The following GNG7 variants were observed in gnomAD, a reference collection of about 807,000 sequenced individuals.
The protein encoded by GNG7 is guanine nucleotide-binding protein G(I)/G(S)/G(O) subunit gamma-7.
A neutral mutation model predicts 4.0 loss-of-function variants in GNG7; 1 was observed. The observed-to-expected ratio is 0.25, with a 90% CI of 0.09 to 1.18. The LOEUF is 1.18. Among genes scored for constraint, GNG7 ranks in the 50% most tolerant of loss-of-function variants. GNG7 has a pLI of 0.50. For synonymous variants in GNG7, 34 were observed against 36.9 expected (o/e 0.92, Z 0.29); for missense variants, 86 against 91.9 (o/e 0.94, Z 0.26).
intron 2 of GNG7, among the ~76,000 whole-genome samples, chr19:2,588,037 C>A (rs1432742074): frequency 6.6e-6 from 1 of 152,064 alleles, no homozygotes; most frequent in Non-Finnish European, 1.5e-5. Flanking sequence ...GGCAACTGGG[C>A]ATGAAAAGGA....
intron 2 of GNG7, among the ~76,000 whole-genome samples, chr19:2,603,933 C>G (rs1430037795): frequency 6.6e-6 from 1 of 151,978 alleles, no homozygotes; most frequent in Non-Finnish European, 1.5e-5. Flanking sequence ...TCACTGCAAG[C>G]TCTGCCTCCT....
At chr19:2,640,928 C>G (rs925327474) in intron 2 of GNG7, among the ~76,000 whole-genome samples, 2 of 152,200 alleles carry the variant, frequency 1.3e-5, no homozygotes, top group Non-Finnish European at 2.9e-5. Flanking sequence ...CACACCCAGG[C>G]TCTCACCAAG....
At position 2,653,801 on chromosome 19, in the gene GNG7, C is replaced by T. The variant is rs1267710681; in HGVS notation, c.-134-7521G>A. On this transcript the variant is annotated intron_variant, in intron 1 of 4. Coordinates refer to ENST00000382159, the MANE Select transcript of GNG7 (RefSeq NM_052847.3). The surrounding 1 kb of genome is among the most constrained non-coding windows in gnomAD (Gnocchi z 4.8). Reference sequence around the variant, plus strand: ...GCCCTTGAGGCCCAGGGCCCGTGTCCCCTCCTCACTCAGCCCTCCTATCCA... The same window carrying T: ...GCCCTTGAGGCCCAGGGCCCGTGTCTCCTCCTCACTCAGCCCTCCTATCCA... 1.3e-5 allele frequency among the ~76,000 whole-genome samples: 2 copies of T among 152,208 alleles called. No homozygotes were observed. The highest frequency in any genetic ancestry group is 2.9e-5 in the Non-Finnish European group (2 of 68,032).
intron 2 of GNG7, among the ~76,000 whole-genome samples, chr19:2,595,813 G>A (rs1981001945): frequency 1.3e-5 from 2 of 152,050 alleles, no homozygotes; most frequent in African/African-American, 4.8e-5. Flanking sequence ...ACTCCATATG[G>A]CTGTACGTAT....
rs1327636211 is a variant in GNG7 at position 2,546,701 on chromosome 19, G to A, written c.-38+8448C>T. Reference sequence around the variant, plus strand: ...CGGCTTGTTCAGACAAAGAGGCCGCGACGACAGAGGGTGACGCGCCGCCAG... The same window carrying A: ...CGGCTTGTTCAGACAAAGAGGCCGCAACGACAGAGGGTGACGCGCCGCCAG... On this transcript the variant is annotated intron_variant, in intron 3 of 4. Coordinates refer to ENST00000382159, the MANE Select transcript of GNG7 (RefSeq NM_052847.3). This position sits in a 1 kb window ranked among gnomAD's most constrained non-coding sequence, Gnocchi z 6.3. 6.6e-6 allele frequency among the ~76,000 whole-genome samples: 1 copy of A among 152,202 alleles called. No homozygotes were observed. The highest frequency in any genetic ancestry group is 1.5e-5 in the Non-Finnish European group (1 of 68,028).
intron 1 of GNG7, among the ~76,000 whole-genome samples, chr19:2,696,289 AG>A: frequency 4.5e-5 from 6 of 133,370 alleles, no homozygotes; most frequent in African/African-American, 1.8e-4. Flanking sequence ...AAAAAGAGAG[AG>A]AGAGAAAGAA....
At chr19:2,601,269 G>A (rs1475831327) in intron 2 of GNG7, among the ~76,000 whole-genome samples, 2 of 152,144 alleles carry the variant, frequency 1.3e-5, no homozygotes, top group Non-Finnish European at 2.9e-5. Context: ...TGGGATGCCT[G>A]TTGTCCCTAA....
chr19:2,625,229 C>T (rs192480857), intron 2 of GNG7, among the ~76,000 whole-genome samples: 14 of 152,222 alleles, frequency 9.2e-5, no homozygotes, highest in African/African-American at 3.1e-4. Context: ...CCACTGCACC[C>T]GGCTAATTTT....
intron 1 of GNG7, among the ~76,000 whole-genome samples, chr19:2,657,413 T>C (rs1983026645): frequency 9.2e-6 from 1 of 108,844 alleles, no homozygotes; most frequent in Non-Finnish European, 1.8e-5. Flanking sequence ...CATAATAACA[T>C]TTATCCTAAA....
chr19:2,576,723 CT>C (rs111393476), intron 2 of GNG7, among the ~76,000 whole-genome samples: 52 of 150,920 alleles, frequency 3.4e-4, no homozygotes, highest in African/African-American at 1.2e-3. Flanking sequence ...ATTTTTAAAA[CT>C]TTTTTTTACA....
intron 1 of GNG7, among the ~76,000 whole-genome samples, chr19:2,699,376 T>C (rs1479483638): frequency 1.3e-5 from 2 of 152,318 alleles, no homozygotes; most frequent in East Asian, 1.9e-4. Flanking sequence ...CTTGAATTCC[T>C]GACCTCAAGT....
intron 3 of GNG7, among the ~76,000 whole-genome samples, chr19:2,553,978 T>TA: frequency 1.9e-5 from 1 of 52,176 alleles, no homozygotes; most frequent in East Asian, 3.8e-4. Context: ...ATGTATATAT[T>TA]ATATGTAATA....
At chr19:2,536,720 G>A (rs1978748533) in intron 3 of GNG7, among the ~76,000 whole-genome samples, 1 of 152,068 alleles carries the variant, frequency 6.6e-6, no homozygotes, top group Admixed American at 6.5e-5. Flanking sequence ...GGACTTCCCT[G>A]AGCCTCAGCT....
chr19:2,665,481 C>CA (rs11462973), intron 1 of GNG7, among the ~76,000 whole-genome samples: 2,989 of 151,126 alleles, frequency 0.02, 91 homozygotes, highest in African/African-American at 0.068. Flanking sequence ...CCATGCGGGA[C>CA]AAAAAAAAGA....
intron 1 of GNG7, among the ~76,000 whole-genome samples, chr19:2,697,408 G>A (rs1913293149): frequency 6.6e-6 from 1 of 152,122 alleles, no homozygotes; most frequent in South Asian, 2.1e-4. Context: ...GGGAGGAGGA[G>A]GACAGGAGTG....
chr19:2,559,059 C>A (rs1035070464), intron 2 of GNG7, among the ~76,000 whole-genome samples: 1 of 151,952 alleles, frequency 6.6e-6, no homozygotes, highest in South Asian at 2.1e-4. Flanking sequence ...TTGGCCCCCC[C>A]AAAGTGCTGG....
chr19:2,518,443 C>G (rs1978293130), intron 4 of GNG7, among the ~76,000 whole-genome samples: 1 of 152,210 alleles, frequency 6.6e-6, no homozygotes, highest in Admixed American at 6.5e-5. Flanking sequence ...AGTCAGATTG[C>G]TGGAACATTC....
intron 1 of GNG7, among the ~76,000 whole-genome samples, chr19:2,676,665 C>T (rs1983600809): frequency 6.6e-6 from 1 of 152,176 alleles, no homozygotes; most frequent in South Asian, 2.1e-4. Context: ...ATCCTCCCGC[C>T]TCGGCCTCCC....
chr19:2,512,134 C>T lies in GNG7; in HGVS notation c.*2888G>A. The T allele has an allele frequency of 3.0e-6, 3 of 985,650 alleles. No homozygotes were observed. The highest frequency in any genetic ancestry group is 3.6e-6 in the Non-Finnish European group (3 of 829,964). 61.1% of individuals were successfully genotyped at this position (985,650 alleles called of 1,614,324 possible). On this transcript the variant is annotated 3_prime_UTR_variant, in exon 5 of 5. Coordinates refer to ENST00000382159, the MANE Select transcript of GNG7 (RefSeq NM_052847.3). This position sits in a 1 kb window ranked among gnomAD's most constrained non-coding sequence, Gnocchi z 4.7. ...TTAACTCTCTTTTCCCCTGGCGTAG[C>T]TGAGAGAGGCTTGTCCCCCCAAGGC...
Sources: allele counts gnomAD v4.1 joint callset (sites outside exome capture counted in the v4.1 genomes callset), GRCh38; gene constraint gnomAD v4.1.1; non-coding constraint Gnocchi (gnomAD v3.1); transcripts MANE v1.5; gene names NCBI Gene and HGNC (gene_info 2026-07-23, HGNC 2026-07-21).